Variants in SEMA5B observed in about 807,000 individuals in gnomAD.
SEMA5B encodes the protein semaphorin 5B, also known as semaphorin-5B.
A neutral mutation model predicts 135.0 loss-of-function variants in SEMA5B; 66 were observed. That is an observed-to-expected ratio of 0.49 (90% CI 0.40 to 0.60). The LOEUF (loss-of-function observed/expected upper bound fraction) is 0.60. Among genes scored for constraint, SEMA5B ranks in the 20% least tolerant of loss-of-function variants. SEMA5B has a pLI of 0.00. For missense variants in SEMA5B, 1,501 were observed against 1,566.3 expected (o/e 0.96, Z 0.70); for synonymous variants, 690 against 639.5 (o/e 1.08, Z -1.19).
At chr3:122,973,496 G>A (rs1941202033) in intron 1 of SEMA5B, among the ~76,000 whole-genome samples, 1 of 152,220 alleles carries the variant, frequency 6.6e-6, no homozygotes, top group Non-Finnish European at 1.5e-5. Flanking sequence ...AAATGAGTGA[G>A]GAGGGGTGGA....
intron 1 of SEMA5B, among the ~76,000 whole-genome samples, chr3:122,983,274 T>G (rs542235950): frequency 1.5e-4 from 22 of 151,356 alleles, no homozygotes; most frequent in South Asian, 6.3e-4. Context: ...TTTGGGGGGG[T>G]TTTGTTTCAT....
At chr3:122,924,543 A>G (rs1938529538) in intron 9 of SEMA5B, among the ~76,000 whole-genome samples, 1 of 152,160 alleles carries the variant, frequency 6.6e-6, no homozygotes, top group Non-Finnish European at 1.5e-5. Context: ...TGGTCGCTGG[A>G]CTGCTTCAAA....
chr3:122,985,556 C>T (rs914603084), intron 1 of SEMA5B, among the ~76,000 whole-genome samples: 2 of 151,950 alleles, frequency 1.3e-5, no homozygotes, highest in African/African-American at 4.8e-5. Flanking sequence ...GCAACTCCAG[C>T]TTCTGTGAAA....
At chr3:122,946,787 C>T (rs1018238079) in intron 3 of SEMA5B, among the ~76,000 whole-genome samples, 2 of 152,118 alleles carry the variant, frequency 1.3e-5, no homozygotes, top group African/African-American at 4.8e-5. Context: ...AAAAATTCAG[C>T]AAACGGATAG....
At chr3:122,919,883 G>A (rs1337140076) in intron 12 of SEMA5B, among the ~76,000 whole-genome samples, 1 of 152,146 alleles carries the variant, frequency 6.6e-6, no homozygotes, top group Non-Finnish European at 1.5e-5. Context: ...TTGCTCCAGG[G>A]CAAGAGTGCA....
At chr3:122,947,901 G>T (rs1205374768) in intron 3 of SEMA5B, among the ~76,000 whole-genome samples, 6 of 150,880 alleles carry the variant, frequency 4.0e-5, no homozygotes, top group Middle Eastern at 3.4e-3. Context: ...GTTTTGTTTT[G>T]TTTTTTTTTA....
chr3:123,004,311 G>A (rs147029955), intron 1 of SEMA5B, among the ~76,000 whole-genome samples: 5 of 152,310 alleles, frequency 3.3e-5, no homozygotes, highest in Non-Finnish European at 5.9e-5. Flanking sequence ...AGGGACATCC[G>A]TCAGCAAGAG....
intron 20 of SEMA5B, 99 bp from the exon 21 acceptor site, chr3:122,911,634 T>A: frequency 7.8e-7 from 1 of 1,286,460 alleles, no homozygotes; most frequent in South Asian, 1.4e-5. Flanking sequence ...AGGTCAACGC[T>A]CAGACGTAGG....
intron 1 of SEMA5B, among the ~76,000 whole-genome samples, chr3:122,975,608 G>C (rs1173432058): frequency 1.3e-5 from 2 of 152,306 alleles, no homozygotes; most frequent in Admixed American, 1.3e-4. Context: ...ACATAGCACT[G>C]TCTGGCACCT....
chr3:122,972,824 G>C (rs1399068736), intron 1 of SEMA5B, among the ~76,000 whole-genome samples: 1 of 152,218 alleles, frequency 6.6e-6, no homozygotes, highest in East Asian at 1.9e-4. Flanking sequence ...TAACTGATGA[G>C]AAGCCAGAGG....
intron 2 of SEMA5B, among the ~76,000 whole-genome samples, chr3:122,956,569 G>C (rs1307887543): frequency 8.5e-5 from 13 of 152,056 alleles, no homozygotes; most frequent in Admixed American, 8.5e-4. Context: ...AGGGGCGAAG[G>C]ATGACGGAGA....
chr3:122,935,686 C>CTTTTTTTTTTTTTT lies in SEMA5B; in HGVS notation c.474+3725_474+3738dup, dbSNP rs147968317. On this transcript the variant is annotated intron_variant, in intron 5 of 22. Transcript: ENST00000357599. ...CACTTTTTTTTCTTTTTCTTTCTTT[C>CTTTTTTTTTTTTTT]TTTTTTTTTTTTTTTTTTTTTTTTG... 3.2e-3 allele frequency among the ~76,000 whole-genome samples: 228 copies of CTTTTTTTTTTTTTT among 70,218 alleles called. 9 individuals carry two copies. The highest frequency in any genetic ancestry group is 7.9e-3 in the African/African-American group (140 of 17,682). 46.1% of individuals were successfully genotyped at this position (70,218 alleles called of 152,430 possible). A position where few individuals can be genotyped will look rare whatever the true frequency, so the allele number is the denominator to read the frequency against.
chr3:122,940,122 C>T (rs1576351230), intron 4 of SEMA5B, among the ~76,000 whole-genome samples: 1 of 152,238 alleles, frequency 6.6e-6, no homozygotes, highest in Non-Finnish European at 1.5e-5. Context: ...TCCCCACAGT[C>T]CAGCCTGCAC....
chr3:122,956,958 T>A (rs1335588483), intron 2 of SEMA5B, among the ~76,000 whole-genome samples: 1 of 152,082 alleles, frequency 6.6e-6, no homozygotes, highest in Non-Finnish European at 1.5e-5. Flanking sequence ...TCCCCAGCCA[T>A]CAGGGGCGAA....
intron 1 of SEMA5B, among the ~76,000 whole-genome samples, chr3:123,002,012 A>G (rs1361625101): frequency 6.6e-6 from 1 of 152,328 alleles, no homozygotes; most frequent in Non-Finnish European, 1.5e-5. Context: ...GGTGTTTTGA[A>G]GTGAAAGAGA....
chr3:122,936,011 C>T (rs1939265694), intron 5 of SEMA5B, among the ~76,000 whole-genome samples: 1 of 152,104 alleles, frequency 6.6e-6, no homozygotes, highest in African/African-American at 2.4e-5. Context: ...CTTTCCATTG[C>T]CCCAGAATGC....
chr3:122,924,743 A>G (rs892166663), intron 9 of SEMA5B, among the ~76,000 whole-genome samples: 4 of 151,962 alleles, frequency 2.6e-5, no homozygotes, highest in Non-Finnish European at 5.9e-5. Context: ...ACCTCTGCAC[A>G]TATTCCCTCA....
Position 122,926,669 on chromosome 3 carries a change from A to G in SEMA5B, c.859T>C (p.Phe287Leu). The change falls in exon 9 of 23, where the codon TTC becomes CTC. Residue 287 changes from phenylalanine to leucine, a missense_variant. This residue lies in a region of SEMA5B where 574 missense variants were observed against 684.7 expected (regional missense o/e 0.84). Coordinates refer to ENST00000357599, the MANE Select transcript of SEMA5B (RefSeq NM_001031702.4). The part of the protein sequence containing the change: ...YNSKWLNEPN[F>L]VAAYDIGLFA... Reference sequence around the variant, plus strand: ...AGCCCAATATCATAGGCTGCCACGAAGTTTGGCTCTGGGTGGGCAGAAGAG... The same window carrying G: ...AGCCCAATATCATAGGCTGCCACGAGGTTTGGCTCTGGGTGGGCAGAAGAG... 6.2e-7 allele frequency: 1 copy of G among 1,610,190 alleles called. No homozygotes were observed. Among genetic ancestry groups the G allele is most frequent in the Non-Finnish European group, 8.5e-7 (1 of 1,176,582 alleles).
At chr3:123,022,277 C>T (rs1942700843) in intron 1 of SEMA5B, among the ~76,000 whole-genome samples, 2 of 152,202 alleles carry the variant, frequency 1.3e-5, no homozygotes, top group South Asian at 4.1e-4. Flanking sequence ...AAACATCCTT[C>T]AAGTACCAAC....
Sources: gnomAD v4.1 joint callset for allele counts (sites outside exome capture counted in the v4.1 genomes callset) on GRCh38, gnomAD v4.1.1 for gene constraint, gnomAD v4.1.1 regional missense constraint, MANE v1.5 for transcripts, NCBI Gene and HGNC (gene_info 2026-07-23, HGNC 2026-07-21) for gene names.